The following FBLN7 variants were observed in gnomAD, a reference collection of about 807,000 sequenced individuals.
FBLN7 encodes the protein fibulin 7.
A neutral mutation model predicts 44.0 loss-of-function variants in FBLN7; 31 were observed. The observed-to-expected ratio is 0.70, with a 90% CI of 0.53 to 0.95. The LOEUF (loss-of-function observed/expected upper bound fraction) is 0.95. FBLN7 is among the 40% of genes least tolerant of loss of function. The pLI is 0.00. For synonymous variants in FBLN7, 262 were observed against 253.4 expected (o/e 1.03, Z -0.32); for missense variants, 573 against 618.5 (o/e 0.93, Z 0.78).
intron 1 of FBLN7, among the ~76,000 whole-genome samples, chr2:112,149,763 C>T (rs1681062964): frequency 6.6e-6 from 1 of 152,132 alleles, no homozygotes; most frequent in Admixed American, 6.5e-5. Flanking sequence ...AAATAAGCAC[C>T]CATAATTTGA....
chr2:112,195,200 T>C, the FBLN7 span, among the ~76,000 whole-genome samples: 1 of 152,322 alleles, frequency 6.6e-6, no homozygotes, highest in African/African-American at 2.4e-5. Context: ...TTTGGGCTGA[T>C]GGGATTTTCT....
At chr2:112,145,626 T>G (rs1680866549) in intron 1 of FBLN7, among the ~76,000 whole-genome samples, 1 of 152,260 alleles carries the variant, frequency 6.6e-6, no homozygotes, top group Admixed American at 6.5e-5. Flanking sequence ...TAAGCACTCT[T>G]GGCCTAACCT....
At chr2:112,174,590 G>A (rs1290135893) in intron 3 of FBLN7, among the ~76,000 whole-genome samples, 1 of 152,220 alleles carries the variant, frequency 6.6e-6, no homozygotes, top group Non-Finnish European at 1.5e-5. Context: ...ATGTGGTCAA[G>A]TCAGTGAACT....
At chr2:112,162,496 G>C (rs1186520619) in intron 2 of FBLN7, among the ~76,000 whole-genome samples, 4 of 152,018 alleles carry the variant, frequency 2.6e-5, no homozygotes, top group South Asian at 2.1e-4. Flanking sequence ...GCGGATTCAT[G>C]TCCCCATGTT....
chr2:112,141,613 G>A lies in FBLN7; in HGVS notation c.75+2883G>A, dbSNP rs535419364. The stretch of plus-strand genomic sequence containing the variant: ...AATGGGGTCTCCTATCAACTTTGCA[G>A]GTTACAGAACAAAGTAAAACCCCAC... On this transcript the variant is annotated intron_variant, in intron 1 of 7. Transcript: ENST00000331203. Among the ~76,000 whole-genome samples, 3 of 152,354 alleles carry A rather than the reference G, an allele frequency of 2.0e-5. No individual in the cohort carries two copies. In the East Asian group the frequency reaches 5.8e-4, roughly 29 times the overall value.
intron 6 of FBLN7, among the ~76,000 whole-genome samples, chr2:112,184,315 G>C (rs1041804507): frequency 1.3e-5 from 2 of 152,190 alleles, no homozygotes; most frequent in Admixed American, 6.5e-5. Flanking sequence ...GCTGACGTGG[G>C]AATGTGAGGG....
chr2:112,208,475 A>C, the FBLN7 span, among the ~76,000 whole-genome samples: 15 of 152,256 alleles, frequency 9.9e-5, no homozygotes, highest in African/African-American at 3.6e-4. Flanking sequence ...TTGGCTTTTG[A>C]AGTTTAGACA....
the FBLN7 span, among the ~76,000 whole-genome samples, chr2:112,209,102 T>C: frequency 9.9e-5 from 15 of 152,222 alleles, no homozygotes; most frequent in Admixed American, 9.2e-4. Flanking sequence ...AAAATCATAA[T>C]GTAGGCATGA....
At chr2:112,210,085 G>A in the FBLN7 span, among the ~76,000 whole-genome samples, 2 of 150,556 alleles carry the variant, frequency 1.3e-5, no homozygotes, top group South Asian at 4.2e-4. Context: ...AAGGGATGGG[G>A]AGGAATCCAG....
At chr2:112,177,439 C>T (rs1449816632) in intron 4 of FBLN7, 1 of 152,336 alleles carries the variant, frequency 6.6e-6, no homozygotes, top group South Asian at 2.1e-4. Context: ...CCTTCCTTCC[C>T]ATCAGCTGGC....
chr2:112,143,570 G>T (rs975037881), intron 1 of FBLN7, among the ~76,000 whole-genome samples: 1 of 151,982 alleles, frequency 6.6e-6, no homozygotes. Flanking sequence ...TTTAACCATG[G>T]AACTATATTC....
At chr2:112,156,137 T>G (rs1681408582) in intron 1 of FBLN7, among the ~76,000 whole-genome samples, 1 of 152,186 alleles carries the variant, frequency 6.6e-6, no homozygotes, top group Admixed American at 6.5e-5. Context: ...CAACCTGAAC[T>G]TTGCACGGGA....
Position 112,138,667 on chromosome 2 carries a change from C to G in FBLN7, c.12C>G (p.Ser4Arg). The part of the protein sequence containing the change: MVP[S>R]SPRALFLLLL... ...TTCCGACTGGCAAGATGGTGCCCAG[C>G]TCTCCGCGCGCGCTCTTCCTTCTGC... is the stretch of plus-strand genomic sequence containing the variant. The change falls in exon 1 of 8, where the codon AGC becomes AGG. Residue 4 changes from serine to arginine, a missense_variant. Physicochemically the swap from Ser to Arg is moderately radical, Grantham distance 110 (BLOSUM62 -1). Transcript: ENST00000331203. The G allele has an allele frequency of 6.2e-7, 1 of 1,613,830 alleles. No individual in the cohort carries two copies.
At chr2:112,165,676 G>A (rs887910141) in intron 3 of FBLN7, among the ~76,000 whole-genome samples, 2 of 152,170 alleles carry the variant, frequency 1.3e-5, no homozygotes, top group Non-Finnish European at 2.9e-5. Context: ...TGTCTGTGAG[G>A]CTGCTGGTAA....
the FBLN7 span, among the ~76,000 whole-genome samples, chr2:112,227,319 G>A: frequency 2.0e-5 from 3 of 152,272 alleles, no homozygotes; most frequent in Middle Eastern, 3.2e-3. Flanking sequence ...GAGGTCAGGA[G>A]TTTGAGACCA....
the FBLN7 span, among the ~76,000 whole-genome samples, chr2:112,240,732 T>C: frequency 2.6e-5 from 4 of 152,250 alleles, no homozygotes; most frequent in East Asian, 1.9e-4. Flanking sequence ...TCAGAGGGCA[T>C]TGAAATATAT....
chr2:112,183,797 T>C (rs1375161635), intron 6 of FBLN7, among the ~76,000 whole-genome samples: 2 of 152,092 alleles, frequency 1.3e-5, no homozygotes, highest in Non-Finnish European at 2.9e-5. Context: ...ACATCTTAAG[T>C]TGACAAGGAA....
chr2:112,167,930 A>G (rs1200586895), intron 3 of FBLN7, among the ~76,000 whole-genome samples: 4 of 26,646 alleles, frequency 1.5e-4, no homozygotes, highest in Non-Finnish European at 3.3e-4. Flanking sequence ...GTTCACTGCT[A>G]CTTGCCCTGA....
chr2:112,231,644 C>T, the FBLN7 span, among the ~76,000 whole-genome samples: 3 of 152,266 alleles, frequency 2.0e-5, no homozygotes, highest in Non-Finnish European at 4.4e-5. Context: ...AATGAATATA[C>T]ATCTTCCTTT....
Sources: allele counts gnomAD v4.1 joint callset (sites outside exome capture counted in the v4.1 genomes callset), GRCh38; gene constraint gnomAD v4.1.1; transcripts MANE v1.5; gene names NCBI Gene and HGNC (gene_info 2026-07-23, HGNC 2026-07-21).